DLGAP2: variants seen among roughly 807,000 people sequenced by gnomAD.
DLGAP2 encodes the protein DLG associated protein 2, also known as disks large-associated protein 2.
A neutral mutation model predicts 100.3 loss-of-function variants in DLGAP2; 26 were observed. That is an observed-to-expected ratio of 0.26 (90% CI 0.19 to 0.36). The LOEUF (loss-of-function observed/expected upper bound fraction) is 0.36, where lower values mean the gene tolerates loss of function less well. Ranked by LOEUF, DLGAP2 falls within the 10% of genes least tolerant of loss-of-function variation. The pLI, the probability that DLGAP2 is intolerant of heterozygous loss-of-function variation, is 1.00. For missense variants in DLGAP2, 1,858 were observed against 1,453.2 expected (o/e 1.28, Z -4.53); for synonymous variants, 886 against 630.1 (o/e 1.41, Z -6.08).
chr8:829,177 C>A (rs1159465723), intron 1 of DLGAP2, among the ~76,000 whole-genome samples: 1 of 152,116 alleles, frequency 6.6e-6, no homozygotes, highest in Non-Finnish European at 1.5e-5. Flanking sequence ...ACTGACATTG[C>A]CTGTTACATT....
chr8:877,868 T>C (rs1257428577), intron 1 of DLGAP2, among the ~76,000 whole-genome samples: 2 of 152,228 alleles, frequency 1.3e-5, no homozygotes, highest in African/African-American at 4.8e-5. Context: ...GCTTTTGTCC[T>C]GCTTCTCCAG....
intron 3 of DLGAP2, among the ~76,000 whole-genome samples, chr8:1,330,072 A>C (rs1039704608): frequency 6.6e-6 from 1 of 152,200 alleles, no homozygotes; most frequent in Non-Finnish European, 1.5e-5. Flanking sequence ...GTGGTGGGTC[A>C]CAGTCCCTCA....
At chr8:922,689 T>C (rs371647759) in intron 2 of DLGAP2, among the ~76,000 whole-genome samples, 119 of 152,348 alleles carry the variant, frequency 7.8e-4, no homozygotes, top group African/African-American at 2.8e-3. Flanking sequence ...ACCCTCCCTT[T>C]AAACAGAAGT....
intron 1 of DLGAP2, among the ~76,000 whole-genome samples, chr8:810,655 A>G (rs1234042456): frequency 6.6e-6 from 1 of 152,208 alleles, no homozygotes. Context: ...AAAAGGTGTA[A>G]TTGAGTTTTC....
chr8:1,074,238 A>G (rs1803530617), intron 2 of DLGAP2, among the ~76,000 whole-genome samples: 1 of 150,618 alleles, frequency 6.6e-6, no homozygotes, highest in East Asian at 1.9e-4. Flanking sequence ...TTCAGGATTC[A>G]CTGTAACAGA....
chr8:1,588,328 T>C (rs1235817135), intron 6 of DLGAP2, among the ~76,000 whole-genome samples: 1 of 152,108 alleles, frequency 6.6e-6, no homozygotes, highest in East Asian at 1.9e-4. Flanking sequence ...GAGTCCAATC[T>C]GTAAGATCTG....
chr8:768,578 C>T (rs1030399699), intron 1 of DLGAP2, among the ~76,000 whole-genome samples: 2 of 151,848 alleles, frequency 1.3e-5, no homozygotes, highest in African/African-American at 4.8e-5. Flanking sequence ...GCGCTTGCCA[C>T]CATGCCCGGC....
intron 2 of DLGAP2, among the ~76,000 whole-genome samples, chr8:1,188,926 T>A (rs1292370665): frequency 6.6e-6 from 1 of 152,274 alleles, no homozygotes; most frequent in African/African-American, 2.4e-5. Context: ...TGCCTTGTGG[T>A]GCGGCTTCCA....
At chr8:740,956 T>C (rs1378050417) in intron 1 of DLGAP2, among the ~76,000 whole-genome samples, 1 of 152,194 alleles carries the variant, frequency 6.6e-6, no homozygotes, top group Non-Finnish European at 1.5e-5. Context: ...ATTTAGAGCA[T>C]TGCCATCATG....
intron 1 of DLGAP2, among the ~76,000 whole-genome samples, chr8:903,378 C>T (rs771589041): frequency 6.6e-6 from 1 of 152,080 alleles, no homozygotes; most frequent in South Asian, 2.1e-4. Context: ...GCCCCCCGGG[C>T]AGCACCTTTG....
chr8:1,113,446 A>T (rs1338591768), intron 2 of DLGAP2, among the ~76,000 whole-genome samples: 1 of 152,010 alleles, frequency 6.6e-6, no homozygotes, highest in Non-Finnish European at 1.5e-5. Context: ...TAGGTATTTT[A>T]TTCTTTTTGT....
intron 3 of DLGAP2, among the ~76,000 whole-genome samples, chr8:1,440,295 G>A (rs1330682507): frequency 6.6e-6 from 1 of 152,190 alleles, no homozygotes; most frequent in Non-Finnish European, 1.5e-5. Flanking sequence ...GGGTGTTACA[G>A]TTTATTGAAT....
chr8:1,336,006 G>A (rs144106459), intron 3 of DLGAP2, among the ~76,000 whole-genome samples: 1 of 152,164 alleles, frequency 6.6e-6, no homozygotes, highest in African/African-American at 2.4e-5. Flanking sequence ...CTCCAGGGGG[G>A]AAAACATCAC....
chr8:1,229,948 T>C (rs1798500696), intron 2 of DLGAP2, among the ~76,000 whole-genome samples: 1 of 152,182 alleles, frequency 6.6e-6, no homozygotes, highest in African/African-American at 2.4e-5. Context: ...GCATTCCCCT[T>C]GAGAACTGGA....
intron 2 of DLGAP2, among the ~76,000 whole-genome samples, chr8:1,251,086 T>C (rs147289305): frequency 6.6e-6 from 1 of 152,332 alleles, no homozygotes; most frequent in African/African-American, 2.4e-5. Flanking sequence ...AATTAACCCA[T>C]GTTCACGAGA....
intron 2 of DLGAP2, among the ~76,000 whole-genome samples, chr8:1,087,487 T>C (rs1479779002): frequency 6.6e-6 from 1 of 151,978 alleles, no homozygotes; most frequent in Non-Finnish European, 1.5e-5. Context: ...CAGGATGATT[T>C]GTAATCTCAG....
chr8:807,764 A>C (rs1001113343), intron 1 of DLGAP2, among the ~76,000 whole-genome samples: 1 of 152,210 alleles, frequency 6.6e-6, no homozygotes, highest in Non-Finnish European at 1.5e-5. Context: ...TTTCTTAGCT[A>C]CTTAGCTGTC....
At chr8:1,313,510 T>C (rs1585249192) in intron 3 of DLGAP2, among the ~76,000 whole-genome samples, 1 of 152,124 alleles carries the variant, frequency 6.6e-6, no homozygotes, top group Non-Finnish European at 1.5e-5. Context: ...GATAAACCTT[T>C]GAAGAAAAAT....
chr8:1,106,569 G>A (rs187796913), intron 2 of DLGAP2, among the ~76,000 whole-genome samples: 77 of 150,818 alleles, frequency 5.1e-4, no homozygotes, highest in East Asian at 3.5e-3. Context: ...TTCTACTGAA[G>A]GGGGCCATTC....
Sources: allele counts gnomAD v4.1 joint callset (sites outside exome capture counted in the v4.1 genomes callset), GRCh38; gene constraint gnomAD v4.1.1; transcripts MANE v1.5; gene names NCBI Gene and HGNC (gene_info 2026-07-23, HGNC 2026-07-21).